CDH18: variants seen among roughly 807,000 people sequenced by gnomAD.
The protein encoded by CDH18 is cadherin-18.
A neutral mutation model predicts 67.9 loss-of-function variants in CDH18; 31 were observed. That is an observed-to-expected ratio of 0.46 (90% confidence interval 0.34 to 0.62). CDH18 has a LOEUF of 0.62. Ranked by LOEUF, CDH18 falls within the 20% of genes least tolerant of loss-of-function variation. The pLI, the probability that CDH18 is intolerant of heterozygous loss-of-function variation, is 0.01. For synonymous variants in CDH18, 362 were observed against 347.2 expected, an observed-to-expected ratio of 1.04 and a Z score of -0.48; for missense variants, 890 against 975.5, an observed-to-expected ratio of 0.91 and a Z score of 1.17.
intron 5 of CDH18, among the ~76,000 whole-genome samples, chr5:19,616,244 C>T (rs374681012): frequency 1.2e-4 from 18 of 151,690 alleles, no homozygotes; most frequent in East Asian, 1.9e-4. Context: ...TTTTTTTAAC[C>T]GAATAAAATA....
chr5:20,303,393 C>G (rs375102172), intron 1 of CDH18, among the ~76,000 whole-genome samples: 1 of 152,214 alleles, frequency 6.6e-6, no homozygotes, highest in East Asian at 1.9e-4. Flanking sequence ...AGCCAAAAAA[C>G]TCCTTCACAA....
At chr5:19,625,324 T>G (rs1047885545) in intron 5 of CDH18, among the ~76,000 whole-genome samples, 18 of 150,282 alleles carry the variant, frequency 1.2e-4, no homozygotes, top group African/African-American at 4.2e-4. Flanking sequence ...AATTATTTGT[T>G]TTTTTTTTCC....
At chr5:19,849,321 CA>C (rs1039702856) in intron 2 of CDH18, among the ~76,000 whole-genome samples, 4 of 151,706 alleles carry the variant, frequency 2.6e-5, no homozygotes, top group Admixed American at 6.6e-5. Context: ...GCATAGGGCA[CA>C]GTTCTGGGCA....
At chr5:19,789,182 G>C (rs1172613931) in intron 3 of CDH18, among the ~76,000 whole-genome samples, 4 of 152,180 alleles carry the variant, frequency 2.6e-5, no homozygotes, top group African/African-American at 9.7e-5. Flanking sequence ...GGGCTGTGAA[G>C]CTACACCATG....
rs911371032 is a variant in CDH18, at chr5:19,471,818, C to T, written c.*1408G>A. Among the ~76,000 whole-genome samples, 3 of 152,010 alleles carry T rather than the reference C, an allele frequency of 2.0e-5. No homozygotes were observed. The East Asian group carries it at 5.8e-4, about 29-fold the overall frequency. On this transcript the variant is annotated 3_prime_UTR_variant, in exon 13 of 13. Transcript: ENST00000382275. ...AATTCTCCTGTGATAATATTTTATG[C>T]CAGATGCATGTAAATATATATTTAT...
At chr5:19,718,335 G>T (rs1765595408) in intron 5 of CDH18, among the ~76,000 whole-genome samples, 1 of 151,778 alleles carries the variant, frequency 6.6e-6, no homozygotes, top group Non-Finnish European at 1.5e-5. Context: ...ACTAATTAGG[G>T]GAATGGAATT....
intron 1 of CDH18, among the ~76,000 whole-genome samples, chr5:20,292,597 C>A (rs1190021737): frequency 6.6e-6 from 1 of 152,148 alleles, no homozygotes; most frequent in Non-Finnish European, 1.5e-5. Context: ...CTCCACAGTT[C>A]TGGAGGCCAG....
chr5:19,776,800 G>C (rs1241672805), intron 3 of CDH18, among the ~76,000 whole-genome samples: 1 of 152,114 alleles, frequency 6.6e-6, no homozygotes, highest in Non-Finnish European at 1.5e-5. Flanking sequence ...CAATGTAAAT[G>C]TTCCATAAGT....
At chr5:20,514,252 T>A (rs1755223184) in intron 1 of CDH18, among the ~76,000 whole-genome samples, 1 of 152,134 alleles carries the variant, frequency 6.6e-6, no homozygotes, top group Non-Finnish European at 1.5e-5. Context: ...TTTCTCTAAA[T>A]ATTTTTTTAA....
chr5:19,662,284 C>T (rs370749471), intron 5 of CDH18, among the ~76,000 whole-genome samples: 7 of 151,692 alleles, frequency 4.6e-5, no homozygotes, highest in African/African-American at 1.2e-4. Context: ...CTTGATATTC[C>T]GGCATTTATT....
intron 1 of CDH18, among the ~76,000 whole-genome samples, chr5:20,313,030 T>G (rs1173565362): frequency 6.6e-6 from 1 of 152,124 alleles, no homozygotes; most frequent in Non-Finnish European, 1.5e-5. Context: ...TCCTATTTTT[T>G]CAGGAGGTTA....
chr5:19,854,829 A>G (rs1387296375), intron 2 of CDH18, among the ~76,000 whole-genome samples: 2 of 151,408 alleles, frequency 1.3e-5, no homozygotes, highest in African/African-American at 4.8e-5. Context: ...TATTCATTCT[A>G]TCTAACTGTA....
intron 1 of CDH18, among the ~76,000 whole-genome samples, chr5:20,411,621 G>C (rs569684484): frequency 6.6e-6 from 1 of 151,482 alleles, no homozygotes; most frequent in South Asian, 2.1e-4. Flanking sequence ...ACACAAAGAA[G>C]CTTCTGCACA....
At chr5:20,049,136 G>C (rs898866725) in intron 2 of CDH18, among the ~76,000 whole-genome samples, 1 of 151,584 alleles carries the variant, frequency 6.6e-6, no homozygotes, top group Non-Finnish European at 1.5e-5. Context: ...GAGGCTAACA[G>C]CTAATAAAAT....
intron 5 of CDH18, among the ~76,000 whole-genome samples, chr5:19,684,187 T>G (rs1287004307): frequency 6.6e-6 from 1 of 152,122 alleles, no homozygotes; most frequent in Non-Finnish European, 1.5e-5. Flanking sequence ...TGTCTACTAT[T>G]TTTACTTTAA....
At chr5:19,932,163 C>A (rs1793765637) in intron 2 of CDH18, among the ~76,000 whole-genome samples, 1 of 151,656 alleles carries the variant, frequency 6.6e-6, no homozygotes, top group African/African-American at 2.4e-5. Context: ...TCTTATAGTT[C>A]TCTGAGAACT....
At chr5:20,205,041 T>A (rs781593705) in intron 2 of CDH18, among the ~76,000 whole-genome samples, 11 of 151,922 alleles carry the variant, frequency 7.2e-5, no homozygotes, top group Non-Finnish European at 1.3e-4. Flanking sequence ...AGCAACAGAA[T>A]GGCAATAACA....
chr5:20,406,506 A>G (rs955110545), intron 1 of CDH18, among the ~76,000 whole-genome samples: 6 of 152,044 alleles, frequency 3.9e-5, no homozygotes, highest in South Asian at 2.1e-4. Flanking sequence ...CAGCACACCA[A>G]CATGGCACAT....
chr5:19,854,745 G>A (rs1245046435), intron 2 of CDH18, among the ~76,000 whole-genome samples: 1 of 151,894 alleles, frequency 6.6e-6, no homozygotes, highest in Non-Finnish European at 1.5e-5. Context: ...TGTATAGTAG[G>A]CTACTATTTT....
Sources: gnomAD v4.1 joint callset for allele counts (sites outside exome capture counted in the v4.1 genomes callset) on GRCh38, gnomAD v4.1.1 for gene constraint, MANE v1.5 for transcripts, NCBI Gene and HGNC (gene_info 2026-07-23, HGNC 2026-07-21) for gene names.